The following CCDC7 variants were observed in gnomAD, a reference collection of about 807,000 sequenced individuals.
The protein encoded by CCDC7 is coiled-coil domain-containing protein 7.
CCDC7 carries 183 observed loss-of-function variants against 196.9 expected under a neutral mutation model. That is an observed-to-expected ratio of 0.93 (90% CI 0.82 to 1.05). The LOEUF is 1.05. Among genes scored for constraint, CCDC7 ranks in the 50% least tolerant of loss-of-function variants. The probability of loss-of-function intolerance (pLI) is 0.00; values close to 1 mark genes in which losing one functional copy is unlikely to be tolerated. For synonymous variants in CCDC7, 525 were observed against 484.6 expected, an observed-to-expected ratio of 1.08 and a Z score of -1.10; for missense variants, 1,540 against 1,482.2, an observed-to-expected ratio of 1.04 and a Z score of -0.64.
intron 32 of CCDC7, among the ~76,000 whole-genome samples, chr10:32,827,184 C>T (rs942557089): frequency 4.6e-5 from 7 of 152,178 alleles, no homozygotes; most frequent in African/African-American, 1.7e-4. Flanking sequence ...AACAAAGTGG[C>T]CATGGTGGCA....
At chr10:32,558,784 T>C (rs1358594535) in intron 13 of CCDC7, among the ~76,000 whole-genome samples, 1 of 152,194 alleles carries the variant, frequency 6.6e-6, no homozygotes, top group Non-Finnish European at 1.5e-5. Context: ...AGGTACTGGG[T>C]TCATCTCACT....
chr10:32,882,049 C>T (rs1327604317), downstream of CCDC7, among the ~76,000 whole-genome samples: 1 of 152,090 alleles, frequency 6.6e-6, no homozygotes, highest in Non-Finnish European at 1.5e-5. Context: ...AGGACAAAGT[C>T]CATAAGAGCC....
Position 32,845,885 on chromosome 10 carries a change from AGGAATTCTTG to A in CCDC7, c.3532_3541del (p.Glu1178GlnfsTer8). ...TGTTTTATTTCAATAGAGACTGATA[AGGAATTCTTG>A]GCAGATGCTATTGGAAGAGGTATAA... On this transcript the variant is annotated frameshift_variant, in exon 36 of 42. Transcript: ENST00000639629. LOFTEE classifies it high-confidence loss of function. 6.2e-7 allele frequency: 1 copy of A among 1,609,342 alleles called. No homozygotes were observed. Among genetic ancestry groups the A allele is most frequent in the East Asian group, 2.2e-5 (1 of 44,782 alleles).
intron 20 of CCDC7, among the ~76,000 whole-genome samples, chr10:32,636,677 C>T (rs1020928243): frequency 8.5e-5 from 13 of 152,148 alleles, no homozygotes; most frequent in East Asian, 3.9e-4. Context: ...TGAATAGTGC[C>T]GCAATAAACA....
At chr10:32,672,916 C>A (rs1762535) in intron 21 of CCDC7, among the ~76,000 whole-genome samples, 52,135 of 152,042 alleles carry the variant, frequency 0.34, 11,331 homozygotes, top group Non-Finnish European at 0.49. Flanking sequence ...ATCTCCTCTG[C>A]CATCTTGGTG....
chr10:32,858,650 A>G (rs1380955654), intron 41 of CCDC7, among the ~76,000 whole-genome samples: 1 of 152,114 alleles, frequency 6.6e-6, no homozygotes, highest in Non-Finnish European at 1.5e-5. Flanking sequence ...GAAAGTTTTA[A>G]TAGTATAGGT....
intron 18 of CCDC7, among the ~76,000 whole-genome samples, chr10:32,611,178 G>A (rs998391175): frequency 2.6e-5 from 4 of 152,212 alleles, no homozygotes; most frequent in Admixed American, 1.3e-4. Context: ...GACCAATGAT[G>A]ATGAGCTTTT....
At chr10:32,574,105 G>T (rs1208325947) in intron 16 of CCDC7, among the ~76,000 whole-genome samples, 2 of 152,062 alleles carry the variant, frequency 1.3e-5, no homozygotes, top group Non-Finnish European at 2.9e-5. Flanking sequence ...TGAGGAAAGG[G>T]TGTGCCAAGT....
chr10:32,782,735 C>G (rs189635749), intron 29 of CCDC7, among the ~76,000 whole-genome samples: 104 of 152,278 alleles, frequency 6.8e-4, no homozygotes, highest in African/African-American at 2.2e-3. Context: ...TCTCACACTT[C>G]CTGATTTCAA....
intron 30 of CCDC7, among the ~76,000 whole-genome samples, chr10:32,814,044 G>A (rs12358460): frequency 0.34 from 51,975 of 151,982 alleles, 11,328 homozygotes; most frequent in Non-Finnish European, 0.49. Context: ...TGCAACCTCC[G>A]ACTCCTGGGT....
chr10:32,818,953 T>G (rs985229629), intron 31 of CCDC7, among the ~76,000 whole-genome samples: 1 of 151,750 alleles, frequency 6.6e-6, no homozygotes, highest in Admixed American at 6.6e-5. Flanking sequence ...AGGCCAGAAA[T>G]AACTAAGATC....
At chr10:32,774,038 A>G (rs1189051568) in intron 28 of CCDC7, among the ~76,000 whole-genome samples, 5 of 152,154 alleles carry the variant, frequency 3.3e-5, no homozygotes, top group Non-Finnish European at 5.9e-5. Context: ...CTATTAATAT[A>G]AATAGTTTTT....
chr10:32,559,709 A>G (rs2055077401), intron 13 of CCDC7, among the ~76,000 whole-genome samples: 1 of 149,598 alleles, frequency 6.7e-6, no homozygotes, highest in Admixed American at 6.9e-5. Flanking sequence ...AGATAAAACC[A>G]CAAAGATGGG....
chr10:32,759,704 A>G (rs1173793608), intron 28 of CCDC7, among the ~76,000 whole-genome samples: 1 of 152,218 alleles, frequency 6.6e-6, no homozygotes, highest in Non-Finnish European at 1.5e-5. Context: ...CATGTCTAAA[A>G]CACCAAAAGC....
At chr10:32,796,907 A>C (rs1398783724) in intron 29 of CCDC7, among the ~76,000 whole-genome samples, 1 of 152,184 alleles carries the variant, frequency 6.6e-6, no homozygotes, top group East Asian at 1.9e-4. Context: ...GGCCTTTTAA[A>C]ATTATTTTAA....
intron 29 of CCDC7, among the ~76,000 whole-genome samples, chr10:32,801,559 T>C (rs1287695115): frequency 2.6e-5 from 4 of 152,186 alleles, no homozygotes; most frequent in Admixed American, 2.6e-4. Flanking sequence ...GATTTCTGCT[T>C]AAATAAATTA....
intron 20 of CCDC7, among the ~76,000 whole-genome samples, chr10:32,644,731 C>T (rs1056117910): frequency 6.6e-6 from 1 of 152,196 alleles, no homozygotes; most frequent in South Asian, 2.1e-4. Flanking sequence ...GCTTTCACTT[C>T]TTCCTCATTC....
intron 20 of CCDC7, among the ~76,000 whole-genome samples, chr10:32,663,493 CT>C (rs2071962628): frequency 6.6e-6 from 1 of 152,098 alleles, no homozygotes; most frequent in South Asian, 2.1e-4. Context: ...GGATAGCATA[CT>C]TGATATCTTT....
chr10:32,821,776 A>G (rs1465206147), intron 31 of CCDC7, among the ~76,000 whole-genome samples: 6 of 152,008 alleles, frequency 3.9e-5, no homozygotes, highest in African/African-American at 1.4e-4. Context: ...ACACTTGGAC[A>G]CAGGAAGGGG....
Sources: gnomAD v4.1 joint callset for allele counts (sites outside exome capture counted in the v4.1 genomes callset) on GRCh38, gnomAD v4.1.1 for gene constraint, MANE v1.5 for transcripts, NCBI Gene and HGNC (gene_info 2026-07-23, HGNC 2026-07-21) for gene names.